Variants in NTM observed in about 807,000 individuals in gnomAD.
NTM encodes IgLON family member 2.
In NTM, 13 loss-of-function variants were observed where a neutral mutation model predicts 42.1. That is an observed-to-expected ratio of 0.31 (90% confidence interval 0.20 to 0.49). The LOEUF (loss-of-function observed/expected upper bound fraction) is 0.49, where lower values mean the gene tolerates loss of function less well. Among genes scored for constraint, NTM ranks in the 20% least tolerant of loss-of-function variants. The pLI, the probability that NTM is intolerant of heterozygous loss-of-function variation, is 0.99. For synonymous variants in NTM, 187 were observed against 179.2 expected (o/e 1.04, Z -0.35); for missense variants, 373 against 452.8 (o/e 0.82, Z 1.60).
At chr11:131,379,926 A>G (rs1942438206) in intron 1 of NTM, among the ~76,000 whole-genome samples, 1 of 152,116 alleles carries the variant, frequency 6.6e-6, no homozygotes, top group East Asian at 1.9e-4. Context: ...ATTAGAGCCC[A>G]GCATATTATA....
chr11:132,145,355 C>T (rs2070149996), intron 2 of NTM, among the ~76,000 whole-genome samples: 1 of 152,124 alleles, frequency 6.6e-6, no homozygotes, highest in African/African-American at 2.4e-5. Context: ...CATTATACAT[C>T]CTATGCTACA....
chr11:132,112,567 A>T (rs2063350227), intron 2 of NTM, among the ~76,000 whole-genome samples: 1 of 152,118 alleles, frequency 6.6e-6, no homozygotes, highest in Admixed American at 6.5e-5. Context: ...GCCAAGTACT[A>T]TGTAGGCAAC....
intron 2 of NTM, chr11:131,984,788 A>G (rs974174659): frequency 3.3e-5 from 5 of 152,244 alleles, no homozygotes; most frequent in Non-Finnish European, 5.9e-5. Context: ...AAAAATATAA[A>G]TAGATATAAC....
At chr11:131,540,999 A>G (rs2053159517) in intron 1 of NTM, 2 of 152,180 alleles carry the variant, frequency 1.3e-5, no homozygotes, top group South Asian at 2.1e-4. Flanking sequence ...AGGAAATTGC[A>G]TTTATTATAA....
chr11:131,500,529 T>A (rs754161374), intron 1 of NTM, among the ~76,000 whole-genome samples: 2 of 144,950 alleles, frequency 1.4e-5, no homozygotes, highest in East Asian at 4.0e-4. Context: ...CTTCAGACCC[T>A]ATAGTTATTT....
In NTM at chr11:132,003,689, T is replaced by C. The variant is rs1040728134; in HGVS notation, c.167+92041T>C. On this transcript the variant is annotated intron_variant, in intron 2 of 8. Coordinates refer to ENST00000683400, the MANE Select transcript of NTM (RefSeq NM_001352005.2). This position sits in a 1 kb window ranked among gnomAD's most constrained non-coding sequence, Gnocchi z 6.0. The stretch of plus-strand genomic sequence containing the variant: ...CCTGGTAGGTCTGTCTGTAGCTCAA[T>C]CACATGTCCCACATGGAGCCCACTC... 2.6e-5 allele frequency among the ~76,000 whole-genome samples: 4 copies of C among 151,666 alleles called. No homozygotes were observed. The highest frequency in any genetic ancestry group is 2.0e-4 in the East Asian group (1 of 5,106).
chr11:131,795,325 T>G, intron 1 of NTM: 1 of 918,036 alleles, frequency 1.1e-6, no homozygotes, highest in Non-Finnish European at 1.3e-6. Flanking sequence ...CAGGCGCTCC[T>G]AATATATGCT....
intron 1 of NTM, among the ~76,000 whole-genome samples, chr11:131,449,466 C>G (rs1950317649): frequency 6.6e-6 from 1 of 152,208 alleles, no homozygotes; most frequent in Non-Finnish European, 1.5e-5. Flanking sequence ...CAGGGGTGCA[C>G]AGCAGGCTGG....
At chr11:131,834,387 T>C (rs1326981965) in intron 1 of NTM, among the ~76,000 whole-genome samples, 1 of 152,058 alleles carries the variant, frequency 6.6e-6, no homozygotes, top group Non-Finnish European at 1.5e-5. Context: ...ATTACTGATT[T>C]ATCCTTTACT....
chr11:131,994,887 A>G (rs1188663647), intron 2 of NTM, among the ~76,000 whole-genome samples: 1 of 152,018 alleles, frequency 6.6e-6, no homozygotes, highest in Non-Finnish European at 1.5e-5. Context: ...CTCATTATGC[A>G]CCTATTCACT....
intron 2 of NTM, among the ~76,000 whole-genome samples, chr11:131,912,974 T>C (rs897542446): frequency 6.6e-6 from 1 of 152,204 alleles, no homozygotes; most frequent in Non-Finnish European, 1.5e-5. Context: ...AGTGATCCTT[T>C]GTCTAGGCAA....
At chr11:132,203,187 C>A (rs1294231998) in intron 3 of NTM, among the ~76,000 whole-genome samples, 1 of 152,186 alleles carries the variant, frequency 6.6e-6, no homozygotes, top group Non-Finnish European at 1.5e-5. Context: ...TTGAGCACAT[C>A]AGCAGGGCGT....
At chr11:132,055,000 G>A (rs1455595127) in intron 2 of NTM, among the ~76,000 whole-genome samples, 1 of 152,180 alleles carries the variant, frequency 6.6e-6, no homozygotes, top group African/African-American at 2.4e-5. Flanking sequence ...CTTGGTGTGA[G>A]GTTGCAGTAG....
chr11:131,416,453 A>G (rs1946966596), intron 1 of NTM, among the ~76,000 whole-genome samples: 1 of 152,202 alleles, frequency 6.6e-6, no homozygotes. Flanking sequence ...CCTCTCCCTG[A>G]ACTCCCTTCT....
chr11:131,660,753 A>T, intron 1 of NTM: 2 of 705,242 alleles, frequency 2.8e-6, no homozygotes, highest in Non-Finnish European at 4.1e-6. Flanking sequence ...ACGAAGGGAG[A>T]CTGGGCCCTG....
chr11:131,712,997 G>A (rs975877726), intron 1 of NTM, among the ~76,000 whole-genome samples: 6 of 152,252 alleles, frequency 3.9e-5, no homozygotes, highest in Middle Eastern at 3.4e-3. Flanking sequence ...AGGGAGCCCC[G>A]GTTGGTCAGG....
intron 4 of NTM, among the ~76,000 whole-genome samples, chr11:132,260,838 AC>A (rs1277812716): frequency 1.3e-5 from 2 of 152,096 alleles, no homozygotes; most frequent in African/African-American, 4.8e-5. Context: ...TGTGCCCTGA[AC>A]CCATTAAGTC....
chr11:132,294,278 C>A (rs2094543251), intron 4 of NTM, among the ~76,000 whole-genome samples: 1 of 152,042 alleles, frequency 6.6e-6, no homozygotes, highest in Non-Finnish European at 1.5e-5. Context: ...GGCTCTCTCA[C>A]ACTCCCCTCG....
intron 2 of NTM, among the ~76,000 whole-genome samples, chr11:132,091,741 C>CA (rs2060402967): frequency 6.6e-6 from 1 of 152,172 alleles, no homozygotes; most frequent in Admixed American, 6.5e-5. Flanking sequence ...CTCAGCCTCT[C>CA]AAAGTTCTGG....
Sources: gnomAD v4.1 joint callset for allele counts (sites outside exome capture counted in the v4.1 genomes callset) on GRCh38, gnomAD v4.1.1 for gene constraint, Gnocchi (gnomAD v3.1) non-coding constraint, MANE v1.5 for transcripts, NCBI Gene and HGNC (gene_info 2026-07-23, HGNC 2026-07-21) for gene names.